Variants in PODNL1 observed in about 807,000 individuals in gnomAD.
The protein encoded by PODNL1 is podocan like 1.
A neutral mutation model predicts 45.1 loss-of-function variants in PODNL1; 50 were observed. That is an observed-to-expected ratio of 1.11 (90% CI 0.88 to 1.40). PODNL1 has a LOEUF of 1.40. Ranked by LOEUF, PODNL1 falls within the 40% of genes most tolerant of loss-of-function variation. The probability of loss-of-function intolerance (pLI) is 0.00; values close to 1 mark genes in which losing one functional copy is unlikely to be tolerated. For missense variants in PODNL1, 788 were observed against 793.3 expected, an observed-to-expected ratio of 0.99 and a Z score of 0.08; for synonymous variants, 406 against 372.5, an observed-to-expected ratio of 1.09 and a Z score of -1.04.
chr19:13,938,484 G>A, upstream of PODNL1: 2 of 1,231,018 alleles, frequency 1.6e-6, no homozygotes, highest in East Asian at 3.3e-5. Context: ...CCTGGGCCGG[G>A]CCACAAGAAC....
intron 8 of PODNL1, chr19:13,932,367 C>CT (rs940156745): frequency 1.4e-3 from 686 of 483,758 alleles, no homozygotes; most frequent in South Asian, 2.1e-3. Context: ...TCTTTCATCA[C>CT]TTTTTTTTTC....
intron 1 of PODNL1, among the ~76,000 whole-genome samples, chr19:13,949,023 C>T (rs1028990003): frequency 2.0e-5 from 3 of 151,524 alleles, no homozygotes; most frequent in African/African-American, 4.8e-5. Context: ...CACAGAGTCA[C>T]GCTCTGTGTC....
At chr19:13,948,492 G>A (rs1427869070) in intron 1 of PODNL1, among the ~76,000 whole-genome samples, 2 of 150,056 alleles carry the variant, frequency 1.3e-5, no homozygotes, top group East Asian at 4.0e-4. Context: ...GATTACAGGT[G>A]TGAGCCACCA....
At chr19:13,935,685 CTG>C (rs760774866) in intron 5 of PODNL1, 34 bp downstream of exon 5, 1 of 1,448,780 alleles carries the variant, frequency 6.9e-7, no homozygotes. Flanking sequence ...ACAGATGTAT[CTG>C]AGGCCTGGGG....
At position 13,931,512 on chromosome 19, in the gene PODNL1, T is replaced by A. The variant is rs1971939295; in HGVS notation, c.*225A>T. On this transcript the variant is annotated 3_prime_UTR_variant, in exon 10 of 10. Coordinates refer to ENST00000588872, the MANE Select transcript of PODNL1 (RefSeq NM_001370095.3). Reference sequence around the variant, plus strand: ...GCTTTATTGTTGCTGCCTCCATCTGTGTTGGGAGTTTGGGGTAGGGTGTGT... The same window carrying A: ...GCTTTATTGTTGCTGCCTCCATCTGAGTTGGGAGTTTGGGGTAGGGTGTGT... 2 of 415,532 alleles carry A rather than the reference T, an allele frequency of 4.8e-6. No individual in the cohort carries two copies. The highest frequency in any genetic ancestry group is 4.4e-5 in the Admixed American group (1 of 22,572). 25.7% of individuals were successfully genotyped at this position (415,532 alleles called of 1,614,324 possible).
intron 1 of PODNL1, chr19:13,953,109 G>T (rs2145481700): frequency 1.3e-6 from 2 of 1,550,478 alleles, no homozygotes; most frequent in East Asian, 2.5e-5. Flanking sequence ...TGAGCTGGGA[G>T]TTCCAGTACC....
In PODNL1 at chr19:13,936,041, A is replaced by G. The variant is rs1162542418; in HGVS notation, c.323T>C (p.Leu108Pro). ...LHNNLISSEG[L>P]PDEAFESLTQ... ...GAGGGACTCGAAGGCCTCGTCAGGCAGGCCTGGGAGAGTAGGGGGGCAGTG... is the reference window on the plus strand; with the variant it reads ...GAGGGACTCGAAGGCCTCGTCAGGCGGGCCTGGGAGAGTAGGGGGGCAGTG... The change falls in exon 4 of 10, where the codon CTG becomes CCG. Residue 108 changes from leucine to proline, a missense_variant. Physicochemically the swap from Leu to Pro is moderately conservative, Grantham distance 98. Transcript: ENST00000588872. 1.9e-6 allele frequency: 3 copies of G among 1,550,100 alleles called. No individual in the cohort carries two copies. The highest frequency in any genetic ancestry group is 2.6e-6 in the Non-Finnish European group (3 of 1,147,586).
Position 13,931,968 on chromosome 19 carries a change from G to A in PODNL1, c.1570C>T (p.Leu524Phe). 1 of 1,232,322 alleles carries A rather than the reference G, an allele frequency of 8.1e-7. No individual in the cohort carries two copies. The highest frequency in any genetic ancestry group is 4.1e-5 in the South Asian group (1 of 24,324). 76.3% of individuals were successfully genotyped at this position (1,232,322 alleles called of 1,614,324 possible). A position where few individuals can be genotyped will look rare whatever the true frequency, so the allele number is the denominator to read the frequency against. ...CTCCGGTCACCCTCGGGGCACCTGA[G>A]GAAGAGGGCACGCAGGCGGGGTGTG... ...LSTPRLRALF[L>F]RANRLHMTSI... The change falls in exon 9 of 10, where the codon CTC becomes TTC. Residue 524 changes from leucine to phenylalanine, a missense_variant. Coordinates refer to ENST00000588872, the MANE Select transcript of PODNL1 (RefSeq NM_001370095.3).
intron 3 of PODNL1, 55 bp downstream of exon 3, chr19:13,936,312 G>A: frequency 1.3e-6 from 2 of 1,499,374 alleles, no homozygotes; most frequent in Non-Finnish European, 1.9e-6. Flanking sequence ...GATGGCAGCT[G>A]AGACCTCGGT....
In PODNL1 at chr19:13,933,212, G is replaced by C. The variant is rs1470635200; in HGVS notation, c.1011C>G (p.Leu337=). 2 of 1,537,922 alleles carry C rather than the reference G, an allele frequency of 1.3e-6. No individual in the cohort carries two copies. Among genetic ancestry groups the C allele is most frequent in the Admixed American group, 3.9e-5 (2 of 50,984 alleles). The change falls in exon 8 of 10, where the codon CTC becomes CTG. Residue 337 remains leucine (L), a synonymous_variant. Transcript: ENST00000588872. This position sits in a 1 kb window ranked among gnomAD's most constrained non-coding sequence, Gnocchi z 5.2. ...RPLRGLHTLH[L]YGNGLDRVPP... ...GCACGCGGTCCAGCCCATTGCCATA[G>C]AGGTGCAGCGTGTGCAGGCCCCGCA...
upstream of PODNL1, among the ~76,000 whole-genome samples, chr19:13,938,960 C>T (rs561311725): frequency 3.3e-5 from 5 of 152,234 alleles, no homozygotes; most frequent in South Asian, 8.3e-4. Flanking sequence ...AAGGATTATA[C>T]GAAGTGTGCA....
chr19:13,931,830 G>A lies in PODNL1; in HGVS notation c.1632C>T (p.Asn544=). ...IAAEAFLGLP[N]LRVVDTAGNP... ...TCCCTGCCGTGTCCACCACACGCAG[G>A]TTTGGGAGCCCCAGGAAGGCCTCAG... The change falls in exon 10 of 10, where the codon AAC becomes AAT. Residue 544 remains asparagine, a synonymous_variant. Transcript: ENST00000588872. 2.4e-6 allele frequency: 3 copies of A among 1,231,984 alleles called. No individual in the cohort carries two copies. Among genetic ancestry groups the A allele is most frequent in the Non-Finnish European group, 3.0e-6 (3 of 987,934 alleles). 76.3% of individuals were successfully genotyped at this position (1,231,984 alleles called of 1,614,324 possible).
chr19:13,932,605 C>T, intron 8 of PODNL1, 193 bp downstream of exon 8: 1 of 1,449,416 alleles, frequency 6.9e-7, no homozygotes, highest in Non-Finnish European at 9.3e-7. Context: ...ATTCTCCTGC[C>T]TTGGCTCCCC....
chr19:13,934,313 T>C lies in PODNL1; in HGVS notation c.592A>G (p.Asn198Asp). 6.5e-7 allele frequency: 1 copy of C among 1,550,176 alleles called. No homozygotes were observed. The highest frequency in any genetic ancestry group is 1.2e-5 in the South Asian group (1 of 80,504). The change falls in exon 6 of 10, where the codon AAC (asparagine) becomes GAC (aspartate). Residue 198 changes from asparagine (N) to aspartate (D), a missense_variant. Asn to Asp is a conservative substitution (Grantham distance 23, BLOSUM62 1). This residue lies in a region of PODNL1 where 762 missense variants were observed against 750.9 expected (regional missense o/e 1.01). Transcript: ENST00000588872. ...CTGGGCGGCAGGTAGCTGAGCTGGT[T>C]GTTGGAGAGGCTGAGGGTGGCGATG... ...EAIATLSLSNNQLSYLPPSLP... is the reference protein window; with the variant it reads ...EAIATLSLSNDQLSYLPPSLP...
In PODNL1 at chr19:13,932,888, C is replaced by T. The variant is rs373005809; in HGVS notation, c.1335G>A (p.Leu445=). 43 of 1,604,530 alleles carry T rather than the reference C, an allele frequency of 2.7e-5. No homozygotes were observed. The highest frequency in any genetic ancestry group is 3.7e-5 in the Non-Finnish European group (43 of 1,176,338). ...CCAGGCTGAGCTCCCGCAGTTGGTCCAGGCCGGCCAGAGGCTCGGGCTCGA... is the reference window on the plus strand; with the variant it reads ...CCAGGCTGAGCTCCCGCAGTTGGTCTAGGCCGGCCAGAGGCTCGGGCTCGA... ...RMLEPEPLAG[L]DQLRELSLAH... Residue 445 remains leucine (L), a synonymous_variant, in exon 8 of 10, where the codon CTG becomes CTA. Coordinates refer to ENST00000588872, the MANE Select transcript of PODNL1 (RefSeq NM_001370095.3).
In PODNL1 at chr19:13,931,723, G is replaced by C; in HGVS notation, c.*14C>G. The C allele has an allele frequency of 8.1e-7, 1 of 1,231,796 alleles. No homozygotes were observed. The allele number at this position is 1,231,796 out of a possible 1,614,324, so 76.3% of individuals were successfully genotyped here. ...TCCCAGGAGTCTGAGCTGCTCTGCT[G>C]GGCCTCTCTAGGATCAGGGGCCCCC... On this transcript the variant is annotated 3_prime_UTR_variant, in exon 10 of 10. Coordinates refer to ENST00000588872, the MANE Select transcript of PODNL1 (RefSeq NM_001370095.3).
Position 13,934,334 on chromosome 19 carries a change from C to A in PODNL1, c.571G>T (p.Ala191Ser). ...TGGTTGTTGGAGAGGCTGAGGGTGG[C>A]GATGGCCTCGGAGCCGCGGAAGGCG... ...PDAFRGSEAIATLSLSNNQLS... is the reference protein window; with the variant it reads ...PDAFRGSEAISTLSLSNNQLS... Residue 191 changes from alanine to serine, a missense_variant, in exon 6 of 10, where the codon GCC becomes TCC. By Grantham distance (99) the Ala-to-Ser change is moderately conservative. This residue lies in a region of PODNL1 where 762 missense variants were observed against 750.9 expected (regional missense o/e 1.01). Transcript: ENST00000588872. The A allele has an allele frequency of 6.4e-7, 1 of 1,553,860 alleles. No individual in the cohort carries two copies. The highest frequency in any genetic ancestry group is 1.2e-5 in the South Asian group (1 of 80,828).
intron 1 of PODNL1, among the ~76,000 whole-genome samples, chr19:13,952,328 C>A (rs919921007): frequency 2.6e-5 from 4 of 152,318 alleles, no homozygotes; most frequent in South Asian, 2.1e-4. Context: ...AATACGGCAA[C>A]GGGCCGCGGG....
chr19:13,938,643 G>C (rs1039298174), upstream of PODNL1, among the ~76,000 whole-genome samples: 1 of 152,130 alleles, frequency 6.6e-6, no homozygotes, highest in South Asian at 2.1e-4. Context: ...GGATTAGGGA[G>C]GCCTGAGCTT....
Sources: gnomAD v4.1 joint callset for allele counts (sites outside exome capture counted in the v4.1 genomes callset) on GRCh38, gnomAD v4.1.1 for gene constraint, gnomAD v4.1.1 regional missense constraint, Gnocchi (gnomAD v3.1) non-coding constraint, MANE v1.5 for transcripts, NCBI Gene and HGNC (gene_info 2026-07-23, HGNC 2026-07-21) for gene names.